Variants in MAP1LC3B observed in about 807,000 individuals in gnomAD.
MAP1LC3B encodes the protein microtubule associated protein 1 light chain 3 beta.
MAP1LC3B carries 12 observed loss-of-function variants against 16.7 expected under a neutral mutation model. That is an observed-to-expected ratio of 0.72 (90% confidence interval 0.46 to 1.16). The LOEUF is 1.16. Ranked by LOEUF, MAP1LC3B falls within the 50% of genes most tolerant of loss-of-function variation. MAP1LC3B has a pLI of 0.00. For missense variants in MAP1LC3B, 155 were observed against 159.5 expected (o/e 0.97, Z 0.15); for synonymous variants, 63 against 56.5 (o/e 1.11, Z -0.51).
intron 2 of MAP1LC3B, among the ~76,000 whole-genome samples, chr16:87,401,483 T>C (rs1907990682): frequency 1.3e-5 from 2 of 152,262 alleles, no homozygotes; most frequent in Admixed American, 6.5e-5. Flanking sequence ...CATTTTGGCA[T>C]GTGCCAGTTA....
intron 1 of MAP1LC3B, among the ~76,000 whole-genome samples, chr16:87,395,278 C>T (rs1025334464): frequency 6.6e-6 from 1 of 152,150 alleles, no homozygotes; most frequent in Non-Finnish European, 1.5e-5. Flanking sequence ...TTAGATTTTG[C>T]TGTGCATGTG....
rs1223328856 is a variant in MAP1LC3B, at chr16:87,404,183, CTCTTT to C, written c.*1087_*1091del. The C allele has an allele frequency of 2.0e-5, 3 of 152,192 alleles. No individual in the cohort carries two copies. Among genetic ancestry groups the C allele is most frequent in the African/African-American group, 7.2e-5 (3 of 41,424 alleles). 9.4% of individuals were successfully genotyped at this position (152,192 alleles called of 1,614,324 possible). A position where few individuals can be genotyped will look rare whatever the true frequency, so the allele number is the denominator to read the frequency against. ...AAAACATAGCAAAAAGAGCCGTACG[CTCTTT>C]ACAGATACTAATGTCAAGAGTTAAA... On this transcript the variant is annotated 3_prime_UTR_variant, in exon 4 of 4. Transcript: ENST00000268607.
At chr16:87,400,924 G>A (rs1202957650) in intron 2 of MAP1LC3B, among the ~76,000 whole-genome samples, 1 of 151,952 alleles carries the variant, frequency 6.6e-6, no homozygotes, top group Admixed American at 6.6e-5. Flanking sequence ...CACGAAGTCA[G>A]GGGTTCGAGA....
chr16:87,394,552 AAAC>A (rs1297607845), intron 1 of MAP1LC3B, among the ~76,000 whole-genome samples: 12 of 152,202 alleles, frequency 7.9e-5, no homozygotes, highest in African/African-American at 2.4e-4. Context: ...GGCTCACTGA[AAAC>A]AACGCCTTCC....
chr16:87,402,593 T>A, intron 3 of MAP1LC3B: 1 of 535,244 alleles, frequency 1.9e-6, no homozygotes, highest in Non-Finnish European at 3.3e-6. Context: ...TTAAAGAGAA[T>A]GTAGACTCTG....
intron 1 of MAP1LC3B, among the ~76,000 whole-genome samples, chr16:87,397,627 A>G (rs185903582): frequency 6.6e-6 from 1 of 152,308 alleles, no homozygotes; most frequent in Admixed American, 6.5e-5. Context: ...CAAAAAAAGA[A>G]TGATACTAAA....
chr16:87,402,839 G>A (rs1472006013), intron 3 of MAP1LC3B, 84 bp from the exon 4 acceptor site: 20 of 1,497,096 alleles, frequency 1.3e-5, no homozygotes, highest in Non-Finnish European at 1.6e-5. Flanking sequence ...ATATTTTACC[G>A]ATCAGAGTGG....
intron 1 of MAP1LC3B, among the ~76,000 whole-genome samples, chr16:87,396,411 C>T (rs1318902812): frequency 6.6e-6 from 1 of 151,088 alleles, no homozygotes; most frequent in Non-Finnish European, 1.5e-5. Flanking sequence ...GGAGGCGTAG[C>T]TTGCAGTGAG....
Position 87,403,168 on chromosome 16 carries a change from C to T in MAP1LC3B, c.*71C>T. 6.5e-7 allele frequency: 1 copy of T among 1,533,232 alleles called. No homozygotes were observed. The highest frequency in any genetic ancestry group is 8.8e-7 in the Non-Finnish European group (1 of 1,136,706). 95.0% of individuals were successfully genotyped at this position (1,533,232 alleles called of 1,614,324 possible). A position where few individuals can be genotyped will look rare whatever the true frequency, so the allele number is the denominator to read the frequency against. On this transcript the variant is annotated 3_prime_UTR_variant, in exon 4 of 4. Coordinates refer to ENST00000268607, the MANE Select transcript of MAP1LC3B (RefSeq NM_022818.5). ...AAGGAAAAAAAAGGGATGTTACCAA[C>T]TGAGATCGATCAGTTCATCCAATCA...
At chr16:87,396,376 G>A (rs1481806999) in intron 1 of MAP1LC3B, among the ~76,000 whole-genome samples, 6 of 151,932 alleles carry the variant, frequency 3.9e-5, no homozygotes, top group African/African-American at 1.2e-4. Flanking sequence ...TTGGGATGCT[G>A]AGGGAGGAGA....
intron 1 of MAP1LC3B, chr16:87,393,033 T>C (rs1361992048): frequency 1.3e-5 from 2 of 152,206 alleles, no homozygotes; most frequent in African/African-American, 4.8e-5. Context: ...GGGAATGTGC[T>C]GGGCCCCGGC....
chr16:87,400,775 T>A (rs1481203215), intron 2 of MAP1LC3B, among the ~76,000 whole-genome samples: 1 of 151,450 alleles, frequency 6.6e-6, no homozygotes, highest in East Asian at 1.9e-4. Context: ...TAGCCTCACC[T>A]CCTTATGCAC....
At chr16:87,395,037 G>T (rs531945531) in intron 1 of MAP1LC3B, among the ~76,000 whole-genome samples, 1 of 152,182 alleles carries the variant, frequency 6.6e-6, no homozygotes, top group Non-Finnish European at 1.5e-5. Context: ...GAGCCACCAC[G>T]CCTGGCCTGG....
chr16:87,395,419 G>A (rs529297934), intron 1 of MAP1LC3B, among the ~76,000 whole-genome samples: 1 of 152,240 alleles, frequency 6.6e-6, no homozygotes, highest in East Asian at 1.9e-4. Flanking sequence ...GGGGCAGTCT[G>A]TTGAGAAAGA....
rs558355648 is a variant in MAP1LC3B at position 87,399,515 on chromosome 16, T to C, written c.96+645T>C. On this transcript the variant is annotated intron_variant, in intron 2 of 3. Coordinates refer to ENST00000268607, the MANE Select transcript of MAP1LC3B (RefSeq NM_022818.5). ...ATGTAGGTCTCACACAATAGAACAA[T>C]GTACAAATAAGCATTTTTCTTTCCC... 46 of 432,986 alleles carry C rather than the reference T, an allele frequency of 1.1e-4. No homozygotes were observed. The East Asian group carries it at 2.9e-3, about 28-fold the overall frequency. The allele number at this position is 432,986 out of a possible 1,614,324, so 26.8% of individuals were successfully genotyped here. A position where few individuals can be genotyped will look rare whatever the true frequency, so the allele number is the denominator to read the frequency against.
rs1215789596 is a variant in MAP1LC3B at position 87,392,442 on chromosome 16, G to T, written c.15G>T (p.Lys5Asn). The T allele has an allele frequency of 1.4e-6, 2 of 1,415,482 alleles. No homozygotes were observed. Among genetic ancestry groups the T allele is most frequent in the Non-Finnish European group, 1.8e-6 (2 of 1,094,052 alleles). The allele number at this position is 1,415,482 out of a possible 1,614,324, so 87.7% of individuals were successfully genotyped here. MPSE[K>N]TFKQRRTFEQ... The stretch of plus-strand genomic sequence containing the variant: ...ATCCCTGCACCATGCCGTCGGAGAA[G>T]ACCTTCAAGCAGCGCCGCACCTTCG... The change falls in exon 1 of 4, where the codon AAG becomes AAT. Residue 5 changes from lysine (K) to asparagine (N), a missense_variant. Coordinates refer to ENST00000268607, the MANE Select transcript of MAP1LC3B (RefSeq NM_022818.5).
At chr16:87,395,207 T>C (rs561987410) in intron 1 of MAP1LC3B, among the ~76,000 whole-genome samples, 5 of 152,258 alleles carry the variant, frequency 3.3e-5, no homozygotes, top group Admixed American at 6.5e-5. Flanking sequence ...TTTGTTTTAA[T>C]GTTTGTAAAG....
intron 3 of MAP1LC3B, 69 bp downstream of exon 3, chr16:87,402,350 G>C: frequency 7.0e-7 from 1 of 1,419,588 alleles, no homozygotes; most frequent in Non-Finnish European, 9.7e-7. Flanking sequence ...GAAACTTACA[G>C]TTAAATCTTT....
chr16:87,395,672 G>T (rs1173917347), intron 1 of MAP1LC3B, among the ~76,000 whole-genome samples: 1 of 152,030 alleles, frequency 6.6e-6, no homozygotes, highest in Non-Finnish European at 1.5e-5. Context: ...TATGGGACTT[G>T]GGTGTTATTC....
Sources: gnomAD v4.1 joint callset for allele counts (sites outside exome capture counted in the v4.1 genomes callset) on GRCh38, gnomAD v4.1.1 for gene constraint, MANE v1.5 for transcripts, NCBI Gene and HGNC (gene_info 2026-07-23, HGNC 2026-07-21) for gene names.